Variants in TMEM232 observed in about 807,000 individuals in gnomAD.
The protein encoded by TMEM232 is transmembrane protein 232.
Under a neutral mutation model 78.8 loss-of-function variants are expected in TMEM232, and 80 were observed. The ratio of observed to expected loss-of-function variants is 1.01; its 90% CI spans 0.85 to 1.22. The LOEUF (loss-of-function observed/expected upper bound fraction) is 1.22. TMEM232 is among the 50% of genes most tolerant of loss of function. The pLI, the probability that TMEM232 is intolerant of heterozygous loss-of-function variation, is 0.00. For missense variants in TMEM232, 881 were observed against 742.2 expected, an observed-to-expected ratio of 1.19 and a Z score of -2.17; for synonymous variants, 297 against 254.3, an observed-to-expected ratio of 1.17 and a Z score of -1.60.
chr5:110,590,238 T>G (rs1459960288), intron 10 of TMEM232, among the ~76,000 whole-genome samples: 11 of 151,844 alleles, frequency 7.2e-5, no homozygotes. Flanking sequence ...AACCTCAGAG[T>G]GGAAAATGGA....
chr5:110,665,907 A>C (rs544230017), intron 2 of TMEM232, among the ~76,000 whole-genome samples: 1,532 of 151,668 alleles, frequency 0.01, 20 homozygotes, highest in African/African-American at 0.035. Context: ...AAAAAAAAAA[A>C]AAAAACTAAA....
At chr5:110,725,140 C>T (rs930188719) in intron 1 of TMEM232, among the ~76,000 whole-genome samples, 5 of 152,126 alleles carry the variant, frequency 3.3e-5, no homozygotes, top group African/African-American at 1.2e-4. Context: ...TTCTAAAATA[C>T]ATTCTGTAAA....
At chr5:110,629,423 T>G (rs1484581656) in intron 5 of TMEM232, among the ~76,000 whole-genome samples, 1 of 152,168 alleles carries the variant, frequency 6.6e-6, no homozygotes, top group Non-Finnish European at 1.5e-5. Flanking sequence ...CTTAATATTC[T>G]TGAAGGCCAA....
chr5:110,587,689 ATATGTGTGTGTGTGTGTG>A (rs1434036989), intron 10 of TMEM232, among the ~76,000 whole-genome samples: 16 of 53,248 alleles, frequency 3.0e-4, no homozygotes, highest in East Asian at 1.1e-3. Context: ...ATATATATAT[ATATGTGTGTGTGTGTGTG>A]TGTGTGTGTG....
intron 1 of TMEM232, among the ~76,000 whole-genome samples, chr5:110,726,263 T>C (rs1159146992): frequency 2.0e-5 from 3 of 152,160 alleles, no homozygotes; most frequent in Non-Finnish European, 4.4e-5. Flanking sequence ...TGAAGACTGG[T>C]CTTCTGAATT....
intron 12 of TMEM232, among the ~76,000 whole-genome samples, chr5:110,525,927 A>G (rs77630165): frequency 2.0e-5 from 3 of 150,674 alleles, no homozygotes; most frequent in Non-Finnish European, 4.4e-5. Context: ...AAAGTTGGCA[A>G]TTAAAATCAG....
At chr5:110,459,740 G>T (rs1012033115) in intron 12 of TMEM232, among the ~76,000 whole-genome samples, 3 of 152,092 alleles carry the variant, frequency 2.0e-5, no homozygotes, top group African/African-American at 7.2e-5. Flanking sequence ...GTAACTTTAT[G>T]ATGGGGAAAT....
chr5:110,674,122 A>T (rs10036085), intron 1 of TMEM232, among the ~76,000 whole-genome samples: 187 of 152,228 alleles, frequency 1.2e-3, no homozygotes, highest in African/African-American at 4.2e-3. Context: ...AATTTACATC[A>T]AGTCTGGTTT....
intron 12 of TMEM232, among the ~76,000 whole-genome samples, chr5:110,503,002 T>A (rs6868787): frequency 0.044 from 6,723 of 152,314 alleles, 487 homozygotes; most frequent in African/African-American, 0.15. Flanking sequence ...TGTTACCTTT[T>A]TTAGGTTATA....
intron 5 of TMEM232, among the ~76,000 whole-genome samples, chr5:110,637,801 T>C (rs1488996973): frequency 6.6e-6 from 1 of 152,010 alleles, no homozygotes; most frequent in Non-Finnish European, 1.5e-5. Context: ...TGACATAGAA[T>C]ATTAGAAGAA....
chr5:110,726,104 TC>T (rs1289036203), intron 1 of TMEM232, among the ~76,000 whole-genome samples: 262 of 120,674 alleles, frequency 2.2e-3, no homozygotes, highest in African/African-American at 0.011. Flanking sequence ...CCCCCCTCTC[TC>T]TTTCACACAC....
At chr5:110,508,622 GTCTGT>G (rs1222714662) in intron 12 of TMEM232, among the ~76,000 whole-genome samples, 4 of 150,404 alleles carry the variant, frequency 2.7e-5, no homozygotes, top group African/African-American at 2.4e-5. Context: ...GATCTTTTGA[GTCTGT>G]TCTAACACTT....
At chr5:110,475,029 T>G (rs1763095135) in intron 12 of TMEM232, among the ~76,000 whole-genome samples, 1 of 151,942 alleles carries the variant, frequency 6.6e-6, no homozygotes, top group South Asian at 2.1e-4. Context: ...GTGTAAAAAT[T>G]CAAAAGTCCT....
In TMEM232 at chr5:110,671,667, T is replaced by G. The variant is rs565741973; in HGVS notation, c.-12-4303A>C. Among the ~76,000 whole-genome samples the G allele has an allele frequency of 1.4e-4, 22 of 152,268 alleles. No individual in the cohort carries two copies. The South Asian group carries it at 1.7e-3, about 11-fold the overall frequency. On this transcript the variant is annotated intron_variant, in intron 1 of 13. Coordinates refer to ENST00000455884, the MANE Select transcript of TMEM232 (RefSeq NM_001039763.4). ...CAGGAACAGAACCAAACATTGCGTA[T>G]TCTCACTCATAAGTGGGAGTTGAAC...
intron 12 of TMEM232, among the ~76,000 whole-genome samples, chr5:110,519,238 C>T (rs1316080549): frequency 6.6e-6 from 1 of 152,126 alleles, no homozygotes; most frequent in African/African-American, 2.4e-5. Context: ...TAAGGCAGGA[C>T]TTCCAACAAT....
chr5:110,405,178 C>T (rs1266662112), intron 2 of TMEM232, among the ~76,000 whole-genome samples: 1 of 151,980 alleles, frequency 6.6e-6, no homozygotes, highest in Non-Finnish European at 1.5e-5. Context: ...ACTAGTGATA[C>T]TGAAAAAATG....
At chr5:110,390,155 T>C (rs1379675317) in intron 4 of TMEM232, among the ~76,000 whole-genome samples, 1 of 152,186 alleles carries the variant, frequency 6.6e-6, no homozygotes, top group Admixed American at 6.6e-5. Flanking sequence ...TCCCTCACTT[T>C]CCTAGCTACT....
At chr5:110,520,261 A>T (rs1385712602) in intron 12 of TMEM232, among the ~76,000 whole-genome samples, 1 of 152,084 alleles carries the variant, frequency 6.6e-6, no homozygotes, top group African/African-American at 2.4e-5. Context: ...TTGTTTTAAA[A>T]TATCACACAT....
At chr5:110,696,323 A>G (rs938145101) in intron 1 of TMEM232, among the ~76,000 whole-genome samples, 1 of 152,230 alleles carries the variant, frequency 6.6e-6, no homozygotes, top group South Asian at 2.1e-4. Flanking sequence ...AGAGCTATCT[A>G]TGACAAACCC....
Sources: allele counts gnomAD v4.1 joint callset (sites outside exome capture counted in the v4.1 genomes callset), GRCh38; gene constraint gnomAD v4.1.1; transcripts MANE v1.5; gene names NCBI Gene and HGNC (gene_info 2026-07-23, HGNC 2026-07-21).